Variants in PRMT3 observed in about 807,000 individuals in gnomAD.
PRMT3 encodes the protein protein arginine N-methyltransferase 3.
Under a neutral mutation model 71.9 loss-of-function variants are expected in PRMT3, and 62 were observed. The observed-to-expected ratio is 0.86, with a 90% CI of 0.70 to 1.07. PRMT3 has a LOEUF of 1.07. Among genes scored for constraint, PRMT3 ranks in the 50% least tolerant of loss-of-function variants. The pLI is 0.00. For synonymous variants in PRMT3, 213 were observed against 220.4 expected (o/e 0.97, Z 0.30); for missense variants, 663 against 643.0 (o/e 1.03, Z -0.34).
At chr11:20,487,496 G>T (rs1851103046) in intron 13 of PRMT3, among the ~76,000 whole-genome samples, 1 of 152,192 alleles carries the variant, frequency 6.6e-6, no homozygotes, top group Non-Finnish European at 1.5e-5. Flanking sequence ...TAGGAAAAAT[G>T]AATCTTTGCT....
intron 9 of PRMT3, among the ~76,000 whole-genome samples, chr11:20,426,558 T>C (rs1849550236): frequency 6.6e-6 from 1 of 152,248 alleles, no homozygotes; most frequent in Non-Finnish European, 1.5e-5. Context: ...TAAATATTGG[T>C]TCACTGTATT....
chr11:20,468,148 TG>T (rs1158364845), intron 13 of PRMT3, among the ~76,000 whole-genome samples: 2 of 152,142 alleles, frequency 1.3e-5, no homozygotes, highest in Non-Finnish European at 2.9e-5. Flanking sequence ...ATAAAGTAAC[TG>T]GGGAATAAGA....
chr11:20,484,744 T>C (rs1430567507), intron 13 of PRMT3, among the ~76,000 whole-genome samples: 3 of 152,066 alleles, frequency 2.0e-5, no homozygotes, highest in Non-Finnish European at 4.4e-5. Context: ...GGGCCTTAGG[T>C]AGGAAAAAGC....
At chr11:20,403,924 ATTG>A (rs1849005425) in intron 8 of PRMT3, among the ~76,000 whole-genome samples, 1 of 152,030 alleles carries the variant, frequency 6.6e-6, no homozygotes, top group Admixed American at 6.5e-5. Context: ...TGATTTTTGT[ATTG>A]TTTGGAATAT....
chr11:20,453,832 CTT>C (rs1184341350), intron 11 of PRMT3, among the ~76,000 whole-genome samples: 1 of 152,012 alleles, frequency 6.6e-6, no homozygotes. Context: ...GGAGTACAGT[CTT>C]TGCATTATAC....
At chr11:20,464,323 T>G (rs1268918152) in intron 12 of PRMT3, 137 bp from the exon 13 acceptor site, 1 of 1,232,842 alleles carries the variant, frequency 8.1e-7, no homozygotes, top group Non-Finnish European at 1.1e-6. Flanking sequence ...GAGTAAAGTT[T>G]GCAAAACTTT....
At chr11:20,483,028 C>A (rs532294414) in intron 13 of PRMT3, among the ~76,000 whole-genome samples, 1 of 151,878 alleles carries the variant, frequency 6.6e-6, no homozygotes, top group Non-Finnish European at 1.5e-5. Context: ...CAAAAAAAAA[C>A]TATTCATTTC....
chr11:20,398,827 A>G (rs1848888520), intron 7 of PRMT3, among the ~76,000 whole-genome samples: 1 of 152,214 alleles, frequency 6.6e-6, no homozygotes, highest in Non-Finnish European at 1.5e-5. Flanking sequence ...GCTATATACC[A>G]TCTCCATTTG....
chr11:20,497,085 A>C (rs1401789466), intron 15 of PRMT3, among the ~76,000 whole-genome samples: 11 of 152,166 alleles, frequency 7.2e-5, no homozygotes, highest in Admixed American at 3.9e-4. Context: ...TCATCTTAAT[A>C]CTAGAATTTT....
intron 15 of PRMT3, among the ~76,000 whole-genome samples, chr11:20,494,891 G>T (rs1851297774): frequency 6.6e-6 from 1 of 152,096 alleles, no homozygotes; most frequent in African/African-American, 2.4e-5. Flanking sequence ...AGTGACTGAA[G>T]AGAAATATTA....
chr11:20,462,876 GAAAAA>G (rs768193840), intron 12 of PRMT3, among the ~76,000 whole-genome samples: 1 of 139,544 alleles, frequency 7.2e-6, no homozygotes, highest in Non-Finnish European at 1.6e-5. Context: ...TGTCTCAAGA[GAAAAA>G]AAAAAAAAGA....
chr11:20,467,130 A>G (rs191564563), intron 13 of PRMT3, among the ~76,000 whole-genome samples: 25 of 152,298 alleles, frequency 1.6e-4, no homozygotes, highest in Non-Finnish European at 2.5e-4. Flanking sequence ...TATTGTTACA[A>G]ACCATTTATT....
chr11:20,444,717 C>G (rs529763173), intron 10 of PRMT3, among the ~76,000 whole-genome samples: 1 of 152,210 alleles, frequency 6.6e-6, no homozygotes, highest in African/African-American at 2.4e-5. Flanking sequence ...AATGAAGTAC[C>G]TACTCTGTTA....
At chr11:20,440,507 A>G (rs1830597819) in intron 10 of PRMT3, among the ~76,000 whole-genome samples, 2 of 142,084 alleles carry the variant, frequency 1.4e-5, no homozygotes, top group Admixed American at 1.4e-4. Flanking sequence ...AAAAAAAAAA[A>G]AAAGAGAAAA....
chr11:20,482,649 C>T (rs553930027), intron 13 of PRMT3, among the ~76,000 whole-genome samples: 5 of 151,996 alleles, frequency 3.3e-5, no homozygotes, highest in East Asian at 1.9e-4. Flanking sequence ...GGAGTAATGA[C>T]GTATAAGGAA....
chr11:20,432,697 CCTT>C (rs1437631447), intron 10 of PRMT3, among the ~76,000 whole-genome samples: 1 of 152,094 alleles, frequency 6.6e-6, no homozygotes, highest in Non-Finnish European at 1.5e-5. Context: ...TAAGAATTCT[CCTT>C]CTCTGCATCC....
chr11:20,504,504 A>G (rs895349530), intron 15 of PRMT3, among the ~76,000 whole-genome samples: 1 of 152,198 alleles, frequency 6.6e-6, no homozygotes, highest in African/African-American at 2.4e-5. Context: ...GGCCTAAGAA[A>G]GCCTGTTAGG....
At chr11:20,400,955 G>A (rs10833318) in intron 7 of PRMT3, among the ~76,000 whole-genome samples, 124,457 of 151,600 alleles carry the variant, frequency 0.82, 52,970 homozygotes, top group Non-Finnish European at 0.95. Flanking sequence ...ATTTGCTTGC[G>A]TTTTCGTATT....
chr11:20,440,441 T>C (rs576240283), intron 10 of PRMT3, among the ~76,000 whole-genome samples: 176 of 138,856 alleles, frequency 1.3e-3, no homozygotes, highest in Non-Finnish European at 2.0e-3. Flanking sequence ...GTCAGGAGAT[T>C]GAGACCATCC....
Sources: allele counts gnomAD v4.1 joint callset (sites outside exome capture counted in the v4.1 genomes callset), GRCh38; gene constraint gnomAD v4.1.1; transcripts MANE v1.5; gene names NCBI Gene and HGNC (gene_info 2026-07-23, HGNC 2026-07-21).